Variants in NRG3 observed in about 807,000 individuals in gnomAD.
NRG3 encodes neuregulin 3.
NRG3 carries 31 observed loss-of-function variants against 66.9 expected under a neutral mutation model. The ratio of observed to expected loss-of-function variants is 0.46; its 90% CI spans 0.35 to 0.63. The LOEUF (loss-of-function observed/expected upper bound fraction) is 0.63. Among genes scored for constraint, NRG3 ranks in the 20% least tolerant of loss-of-function variants. NRG3 has a pLI of 0.00. For synonymous variants in NRG3, 393 were observed against 359.4 expected (o/e 1.09, Z -1.06); for missense variants, 910 against 878.9 (o/e 1.04, Z -0.45).
chr10:82,678,330 G>A lies in NRG3; in HGVS notation c.954-60247G>A, dbSNP rs572732404. 2.6e-5 allele frequency among the ~76,000 whole-genome samples: 4 copies of A among 152,214 alleles called. No individual in the cohort carries two copies. In the South Asian group the frequency reaches 8.3e-4, roughly 32 times the overall value. Reference sequence around the variant, plus strand: ...GGGTGGGACCGTTTTATAAGATTTGGGTAGGTAAAGGAAAATTACAGTCAA... The same window carrying A: ...GGGTGGGACCGTTTTATAAGATTTGAGTAGGTAAAGGAAAATTACAGTCAA... On this transcript the variant is annotated intron_variant, in intron 2 of 8. Transcript: ENST00000372141.
chr10:82,651,029 G>C (rs1318302725), intron 2 of NRG3, among the ~76,000 whole-genome samples: 1 of 152,198 alleles, frequency 6.6e-6, no homozygotes, highest in Non-Finnish European at 1.5e-5. Flanking sequence ...ATAAGTGATG[G>C]AAGCATATAA....
intron 2 of NRG3, among the ~76,000 whole-genome samples, chr10:82,495,811 G>GACACACAC (rs55671097): frequency 0.046 from 6,600 of 144,788 alleles, 290 homozygotes; most frequent in African/African-American, 0.12. Context: ...TTAGAGTGCA[G>GACACACAC]ACACACACAC....
At chr10:82,852,851 G>T (rs1293636191) in intron 3 of NRG3, among the ~76,000 whole-genome samples, 1 of 152,204 alleles carries the variant, frequency 6.6e-6, no homozygotes, top group Non-Finnish European at 1.5e-5. Flanking sequence ...AGAGGAGAAG[G>T]TAGTGGGAGC....
intron 1 of NRG3, among the ~76,000 whole-genome samples, chr10:82,087,587 C>T (rs1382732412): frequency 6.6e-6 from 1 of 152,160 alleles, no homozygotes; most frequent in Non-Finnish European, 1.5e-5. Flanking sequence ...ATCCATACAA[C>T]ATCAATGGTA....
chr10:82,047,975 A>G (rs1194891737), intron 1 of NRG3, among the ~76,000 whole-genome samples: 1 of 151,986 alleles, frequency 6.6e-6, no homozygotes, highest in Non-Finnish European at 1.5e-5. Flanking sequence ...CAGAGTTTAA[A>G]CCAACAAAGA....
chr10:82,821,109 GT>G (rs2061934683), intron 3 of NRG3, among the ~76,000 whole-genome samples: 1 of 152,152 alleles, frequency 6.6e-6, no homozygotes, highest in African/African-American at 2.4e-5. Context: ...TCATGACCTT[GT>G]TTTATTTCAA....
chr10:82,466,718 GAC>G (rs920953634), intron 2 of NRG3, among the ~76,000 whole-genome samples: 1 of 152,080 alleles, frequency 6.6e-6, no homozygotes, highest in Non-Finnish European at 1.5e-5. Context: ...CAAGAAATTA[GAC>G]AGACATGTGC....
At chr10:82,213,220 G>T (rs1321108639) in intron 1 of NRG3, among the ~76,000 whole-genome samples, 1 of 152,084 alleles carries the variant, frequency 6.6e-6, no homozygotes, top group Non-Finnish European at 1.5e-5. Flanking sequence ...TCTAATACGG[G>T]TTTATTTGAG....
chr10:81,950,044 A>G (rs560311658), intron 1 of NRG3, among the ~76,000 whole-genome samples: 26 of 152,044 alleles, frequency 1.7e-4, no homozygotes, highest in Non-Finnish European at 1.2e-4. Context: ...TCGAAGACCA[A>G]CTCTTGAGGC....
At chr10:82,430,635 GC>G (rs2089745276) in intron 2 of NRG3, among the ~76,000 whole-genome samples, 1 of 151,860 alleles carries the variant, frequency 6.6e-6, no homozygotes, top group Non-Finnish European at 1.5e-5. Flanking sequence ...CTCCCCTTTT[GC>G]TTTTGTTATT....
intron 1 of NRG3, among the ~76,000 whole-genome samples, chr10:81,998,060 T>G (rs1439882334): frequency 6.6e-6 from 1 of 152,158 alleles, no homozygotes; most frequent in East Asian, 1.9e-4. Context: ...TGGCAAGAAC[T>G]TCTGGCTTCC....
At chr10:82,816,587 G>T (rs935363146) in intron 3 of NRG3, among the ~76,000 whole-genome samples, 1 of 151,956 alleles carries the variant, frequency 6.6e-6, no homozygotes, top group Admixed American at 6.6e-5. Flanking sequence ...ACTCCTGGCC[G>T]TGGACTCCAC....
At chr10:82,693,276 A>G (rs1402925911) in intron 2 of NRG3, among the ~76,000 whole-genome samples, 1 of 152,176 alleles carries the variant, frequency 6.6e-6, no homozygotes, top group East Asian at 1.9e-4. Flanking sequence ...TACAGCTAGA[A>G]ATTTTGTTTC....
intron 1 of NRG3, among the ~76,000 whole-genome samples, chr10:82,217,846 T>C (rs2133735004): frequency 6.6e-6 from 1 of 152,344 alleles, no homozygotes; most frequent in East Asian, 1.9e-4. Context: ...TATTAAAATT[T>C]CATTCCATAA....
chr10:82,817,375 A>G (rs2061756092), intron 3 of NRG3, among the ~76,000 whole-genome samples: 1 of 152,232 alleles, frequency 6.6e-6, no homozygotes, highest in Non-Finnish European at 1.5e-5. Flanking sequence ...CAAACCTGAT[A>G]TGGTAGATTT....
At chr10:82,038,079 T>A (rs868262317) in intron 1 of NRG3, among the ~76,000 whole-genome samples, 1 of 152,082 alleles carries the variant, frequency 6.6e-6, no homozygotes, top group Non-Finnish European at 1.5e-5. Context: ...AATCTTAAAA[T>A]CTTGCTTTTG....
intron 1 of NRG3, among the ~76,000 whole-genome samples, chr10:82,082,880 AT>A (rs1263287182): frequency 6.6e-6 from 1 of 152,036 alleles, no homozygotes; most frequent in Non-Finnish European, 1.5e-5. Context: ...ACTATCATGA[AT>A]GTATTTAAAA....
chr10:82,472,197 A>T (rs752341684), intron 2 of NRG3, among the ~76,000 whole-genome samples: 1 of 152,246 alleles, frequency 6.6e-6, no homozygotes, highest in Non-Finnish European at 1.5e-5. Flanking sequence ...AAAATTAAAC[A>T]GACATTTGGG....
At chr10:82,637,447 A>C (rs559980744) in intron 2 of NRG3, among the ~76,000 whole-genome samples, 1 of 152,334 alleles carries the variant, frequency 6.6e-6, no homozygotes, top group South Asian at 2.1e-4. Context: ...GGAAACAGTG[A>C]ATCTACATTG....
Sources: gnomAD v4.1 joint callset for allele counts (sites outside exome capture counted in the v4.1 genomes callset) on GRCh38, gnomAD v4.1.1 for gene constraint, MANE v1.5 for transcripts, NCBI Gene and HGNC (gene_info 2026-07-23, HGNC 2026-07-21) for gene names.